The following CFH variants were observed in gnomAD, a reference collection of about 807,000 sequenced individuals.
The protein encoded by CFH is H factor 1 (complement).
In CFH, 53 loss-of-function variants were observed where a neutral mutation model predicts 147.3. The ratio of observed to expected loss-of-function variants is 0.36; its 90% CI spans 0.29 to 0.45. CFH has a LOEUF of 0.45. CFH is among the 20% of genes least tolerant of loss of function. The pLI, the probability that CFH is intolerant of heterozygous loss-of-function variation, is 1.00. For missense variants in CFH, 1,380 were observed against 1,498.0 expected (o/e 0.92, Z 1.30); for synonymous variants, 536 against 489.4 (o/e 1.10, Z -1.26).
At chr1:196,713,988 G>C (rs577572220) in intron 10 of CFH, 71 bp downstream of exon 10, 1 of 1,326,204 alleles carries the variant, frequency 7.5e-7, no homozygotes, top group South Asian at 1.2e-5. Context: ...TAGTCTTTTT[G>C]TGGGGGCTGA....
At chr1:196,660,891 A>G (rs1666874978) in intron 1 of CFH, among the ~76,000 whole-genome samples, 1 of 152,196 alleles carries the variant, frequency 6.6e-6, no homozygotes, top group African/African-American at 2.4e-5. Flanking sequence ...AAATATAATA[A>G]TAACCAGAAG....
chr1:196,717,746 G>A (rs769806158), intron 11 of CFH, among the ~76,000 whole-genome samples: 1 of 152,228 alleles, frequency 6.6e-6, no homozygotes, highest in South Asian at 2.1e-4. Context: ...AGCTGCAAAG[G>A]CTGAACACAT....
intron 9 of CFH, among the ~76,000 whole-genome samples, chr1:196,712,135 G>T (rs1668736320): frequency 6.6e-6 from 1 of 151,976 alleles, no homozygotes; most frequent in Admixed American, 6.6e-5. Context: ...TTTTTCTCTG[G>T]AATTAGGTGC....
intron 6 of CFH, among the ~76,000 whole-genome samples, chr1:196,680,715 GT>G (rs1417790050): frequency 2.0e-5 from 3 of 151,824 alleles, no homozygotes; most frequent in Non-Finnish European, 4.4e-5. Context: ...AGAAAGAAGA[GT>G]TGAACTCTTA....
chr1:196,679,938 G>T, intron 6 of CFH, 145 bp downstream of exon 6: 1 of 777,328 alleles, frequency 1.3e-6, no homozygotes. Context: ...CATTTTCTGT[G>T]TTCAAGGTTC....
chr1:196,719,669 A>G (rs1027080570), intron 11 of CFH, among the ~76,000 whole-genome samples: 1 of 151,804 alleles, frequency 6.6e-6, no homozygotes, highest in Non-Finnish European at 1.5e-5. Flanking sequence ...GAAAAATAAT[A>G]TTTTGGATAA....
chr1:196,674,000 T>C (rs1329212654), intron 3 of CFH, 38 bp downstream of exon 3: 6 of 1,345,182 alleles, frequency 4.5e-6, no homozygotes, highest in Admixed American at 1.7e-5. Flanking sequence ...ATAATTAAGA[T>C]AGTAAATAGG....
In CFH at chr1:196,677,676, C is replaced by T. The variant is rs201879395; in HGVS notation, c.619+9C>T. 6 of 1,610,672 alleles carry T rather than the reference C, an allele frequency of 3.7e-6. No homozygotes were observed. The highest frequency in any genetic ancestry group is 3.3e-5 in the South Asian group (3 of 90,978). ...GAAACCAAAGTGTGTGGGTAAGATA[C>T]ACTTACTGTTTTAGTATTTTTAGCT... On this transcript the variant is annotated intron_variant, in intron 5 of 21. Coordinates refer to ENST00000367429, the MANE Select transcript of CFH (RefSeq NM_000186.4).
chr1:196,691,434 T>C (rs2149089543), intron 9 of CFH, among the ~76,000 whole-genome samples: 1 of 152,228 alleles, frequency 6.6e-6, no homozygotes, highest in African/African-American at 2.4e-5. Context: ...TAATGATTGG[T>C]GATGTCACAT....
chr1:196,735,603 A>C (rs1404892818), intron 15 of CFH, among the ~76,000 whole-genome samples: 1 of 152,128 alleles, frequency 6.6e-6, no homozygotes, highest in East Asian at 1.9e-4. Flanking sequence ...GCATCAGAAA[A>C]AACAAATAAA....
At chr1:196,679,500 A>G in intron 5 of CFH, 123 bp from the exon 6 acceptor site, 1 of 685,120 alleles carries the variant, frequency 1.5e-6, no homozygotes, top group Non-Finnish European at 2.5e-6. Flanking sequence ...GTCAAAACAG[A>G]ACTTTTGTTT....
At chr1:196,698,864 A>G (rs1355070049) in intron 9 of CFH, among the ~76,000 whole-genome samples, 3 of 152,156 alleles carry the variant, frequency 2.0e-5, no homozygotes, top group Non-Finnish European at 4.4e-5. Flanking sequence ...GCATATCTAA[A>G]AGCTTATTCA....
chr1:196,719,857 A>G (rs1668957829), intron 11 of CFH, among the ~76,000 whole-genome samples: 1 of 151,676 alleles, frequency 6.6e-6, no homozygotes, highest in Admixed American at 6.6e-5. Flanking sequence ...TTGCCTTTCC[A>G]TGTGAACTTG....
chr1:196,741,998 C>T lies in CFH; in HGVS notation c.3080C>T (p.Ala1027Val). ...TCATYYKMDG[A>V]SNVTCINSRW... ...GCAACATATTACAAAATGGATGGAG[C>T]CAGTAATGTAACATGCATTAATAGC... Residue 1027 changes from alanine (A) to valine (V), a missense_variant, in exon 19 of 22, where the codon GCC becomes GTC. By Grantham distance (64) the Ala-to-Val change is moderately conservative. Coordinates refer to ENST00000367429, the MANE Select transcript of CFH (RefSeq NM_000186.4). 6.2e-7 allele frequency: 1 copy of T among 1,614,056 alleles called. No homozygotes were observed. The highest frequency in any genetic ancestry group is 1.1e-5 in the South Asian group (1 of 91,068).
chr1:196,737,451 C>A, intron 16 of CFH, 24 bp from the exon 17 acceptor site: 1 of 1,552,244 alleles, frequency 6.4e-7, no homozygotes, highest in Non-Finnish European at 8.9e-7. Context: ...GTTTTTAACC[C>A]TTTGATTTTC....
At chr1:196,688,844 C>T (rs1023011690) in intron 7 of CFH, among the ~76,000 whole-genome samples, 2 of 152,078 alleles carry the variant, frequency 1.3e-5, no homozygotes, top group African/African-American at 2.4e-5. Flanking sequence ...GAACTCCTTA[C>T]GAGTGATCTG....
chr1:196,652,455 G>T (rs1479060526), intron 1 of CFH, among the ~76,000 whole-genome samples: 1 of 151,678 alleles, frequency 6.6e-6, no homozygotes, highest in Non-Finnish European at 1.5e-5. Flanking sequence ...CATTTCCCTT[G>T]TAATTATCAT....
chr1:196,652,374 A>C (rs987040661), intron 1 of CFH, among the ~76,000 whole-genome samples, 199 bp downstream of exon 1: 3 of 151,964 alleles, frequency 2.0e-5, no homozygotes, highest in African/African-American at 7.2e-5. Flanking sequence ...TATTCATCAT[A>C]ATTATATTTA....
chr1:196,677,649 G>A lies in CFH; in HGVS notation c.601G>A (p.Glu201Lys), dbSNP rs147638219. ...TTCAGACGATGGTTTTTGGAGTAAA[G>A]AGAAACCAAAGTGTGTGGGTAAGAT... is the stretch of plus-strand genomic sequence containing the variant. The part of the protein sequence containing the change: ...HCSDDGFWSK[E>K]KPKCVEISCK... Residue 201 changes from glutamate to lysine, a missense_variant, in exon 5 of 22, where the codon GAG becomes AAG. This residue lies in a region of CFH where 260 missense variants were observed against 263.3 expected (regional missense o/e 0.99). Transcript: ENST00000367429. The A allele has an allele frequency of 2.5e-6, 4 of 1,612,834 alleles. No individual in the cohort carries two copies. The African/African-American group carries it at 5.3e-5, about 22-fold the overall frequency.
Sources: gnomAD v4.1 joint callset for allele counts (sites outside exome capture counted in the v4.1 genomes callset) on GRCh38, gnomAD v4.1.1 for gene constraint, gnomAD v4.1.1 regional missense constraint, MANE v1.5 for transcripts, NCBI Gene and HGNC (gene_info 2026-07-23, HGNC 2026-07-21) for gene names.